FASN: variants seen among roughly 807,000 people sequenced by gnomAD.
The protein encoded by FASN is fatty acid synthase, also known as 3-hydroxyacyl-[acyl-carrier-protein] dehydratase.
In FASN, 50 loss-of-function variants were observed where a neutral mutation model predicts 250.0. The ratio of observed to expected loss-of-function variants is 0.20; its 90% confidence interval spans 0.16 to 0.25. The LOEUF (loss-of-function observed/expected upper bound fraction) is 0.25. Ranked by LOEUF, FASN falls within the 10% of genes least tolerant of loss-of-function variation. The pLI is 1.00. For synonymous variants in FASN, 1,909 were observed against 1,584.0 expected (o/e 1.21, Z -4.87); for missense variants, 3,031 against 3,498.5 (o/e 0.87, Z 3.37).
Position 82,092,576 on chromosome 17 carries a change from TG to T in FASN, c.907del (p.Gln303ArgfsTer3). On this transcript the variant is annotated frameshift_variant, in exon 8 of 43. Transcript: ENST00000306749. LOFTEE classifies it high-confidence loss of function. The part of the protein sequence containing the change: ...HGTGTKVGDP[Q>X]ELNGITRALC... ...GGCTCGGGTGATGCCATTCAGCTCC[TG>T]GGGGTCGCCCACCTGTGGGAAACAT... 1.3e-6 allele frequency: 2 copies of T among 1,596,974 alleles called. No homozygotes were observed.
chr17:82,080,442 C>A lies in FASN; in HGVS notation c.6975G>T (p.Gln2325His), dbSNP rs1418221687. 1 of 1,595,326 alleles carries A rather than the reference C, an allele frequency of 6.3e-7. No individual in the cohort carries two copies. The highest frequency in any genetic ancestry group is 1.7e-5 in the Admixed American group (1 of 57,184). ...GGCTGTTGTGGGTGGGGGCTGGGCT[C>A]TGCTGGGCCTGCAGCTGGGAGCACA... ...FEMCSQLQAQ[Q>H]SPAPTHNSLF... The change falls in exon 40 of 43, where the codon CAG becomes CAT. Residue 2325 changes from glutamine to histidine, a missense_variant. By Grantham distance (24) the Gln-to-His change is conservative (BLOSUM62 0). Coordinates refer to ENST00000306749, the MANE Select transcript of FASN (RefSeq NM_004104.5).
rs756962457 is a variant in FASN at position 82,081,592 on chromosome 17, A to G, written c.6406+9T>C. The G allele has an allele frequency of 6.2e-7, 1 of 1,612,052 alleles. No homozygotes were observed. ...AACACCTGGCGCGGCTCCTACTGGG[A>G]GTGCTCACCCAGGATGTGTGCCACG... On this transcript the variant is annotated intron_variant, in intron 37 of 42. Coordinates refer to ENST00000306749, the MANE Select transcript of FASN (RefSeq NM_004104.5).
At chr17:82,090,744 G>T in intron 10 of FASN, 138 bp downstream of exon 10, 1 of 1,134,828 alleles carries the variant, frequency 8.8e-7, no homozygotes, top group Non-Finnish European at 1.3e-6. Flanking sequence ...CTCCCCTCCC[G>T]TCCTGCCCCC....
chr17:82,079,712 T>G, intron 41 of FASN, 104 bp from the exon 42 acceptor site: 1 of 1,455,074 alleles, frequency 6.9e-7, no homozygotes, highest in East Asian at 2.5e-5. Context: ...AGTTTCATTT[T>G]TGTTACCCAG....
Position 82,080,550 on chromosome 17 carries a change from G to A in FASN, c.6867C>T (p.Tyr2289=), listed in dbSNP as rs750002316. 1 of 1,560,258 alleles carries A rather than the reference G, an allele frequency of 6.4e-7. No individual in the cohort carries two copies. The highest frequency in any genetic ancestry group is 1.2e-5 in the South Asian group (1 of 85,144). Residue 2289 remains tyrosine (Y), a synonymous_variant, in exon 40 of 43, where the codon TAC becomes TAT. Coordinates refer to ENST00000306749, the MANE Select transcript of FASN (RefSeq NM_004104.5). ...GCTGCACCTGCCTGATGCAGTCGAT[G>A]TAGTAGGCAGCCAGGCTGTGGATGC... ...LDSIHSLAAY[Y]IDCIRQVQPE... is the part of the protein sequence containing the mutation.
chr17:82,079,405 C>G lies in FASN; in HGVS notation c.7350G>C (p.Thr2450=). 6.2e-7 allele frequency: 1 copy of G among 1,613,048 alleles called. No individual in the cohort carries two copies. Among genetic ancestry groups the G allele is most frequent in the Non-Finnish European group, 8.5e-7 (1 of 1,180,004 alleles). ...CCAGGTCCTCGCCGTAGGCGCCACC[C>G]GTCTTGGCGCGCAGTAGCATCACGT... The part of the protein sequence containing the change: ...HGNVMLLRAK[T]GGAYGEDLGA... The change falls in exon 42 of 43, where the codon ACG becomes ACC. Residue 2450 remains threonine (T), a synonymous_variant. Transcript: ENST00000306749.
At chr17:82,079,684 C>CTTT in intron 41 of FASN, 76 bp from the exon 42 acceptor site, 1 of 1,230,692 alleles carries the variant, frequency 8.1e-7, no homozygotes, top group South Asian at 1.5e-5. Context: ...TGCGGGTGGG[C>CTTT]TTTTTTTTTT....
chr17:82,086,242 G>C lies in FASN; in HGVS notation c.3732+12C>G. ...TCCGGGGCAGAGGCCTGGCTGCCCA[G>C]GAGGCACCCACCTCCACCACCTTCA... On this transcript the variant is annotated intron_variant, in intron 22 of 42. Coordinates refer to ENST00000306749, the MANE Select transcript of FASN (RefSeq NM_004104.5). 4 of 1,551,474 alleles carry C rather than the reference G, an allele frequency of 2.6e-6. No homozygotes were observed. The highest frequency in any genetic ancestry group is 3.8e-5 in the Admixed American group (2 of 52,490).
rs1269778423 is a variant in FASN at position 82,083,659 on chromosome 17, A to C, written c.5219-20T>G. The C allele has an allele frequency of 6.2e-7, 1 of 1,604,420 alleles. No individual in the cohort carries two copies. Among genetic ancestry groups the C allele is most frequent in the African/African-American group, 1.3e-5 (1 of 74,882 alleles). ...CAACGCCTAGGGGGCCAGAGGGGCC[A>C]GACAATCACACCCACTGCAAGCCCA... On this transcript the variant is annotated intron_variant, in intron 30 of 42. Coordinates refer to ENST00000306749, the MANE Select transcript of FASN (RefSeq NM_004104.5).
chr17:82,090,688 G>C, intron 10 of FASN, 124 bp from the exon 11 acceptor site: 2 of 1,097,754 alleles, frequency 1.8e-6, no homozygotes, highest in Non-Finnish European at 1.4e-6. Context: ...TCTCCTGATA[G>C]GAAAGAAGCC....
intron 4 of FASN, 41 bp downstream of exon 4, chr17:82,093,557 T>C (rs776370782): frequency 3.7e-6 from 6 of 1,612,066 alleles, no homozygotes; most frequent in Non-Finnish European, 5.1e-6. Context: ...TGTGGGGACC[T>C]GAAGGCCACC....
chr17:82,097,269 A>C (rs1005335003), intron 1 of FASN: 9 of 152,558 alleles, frequency 5.9e-5, no homozygotes, highest in African/African-American at 2.2e-4. Flanking sequence ...CACACACCAC[A>C]GGAGGCCCTC....
intron 11 of FASN, among the ~76,000 whole-genome samples, chr17:82,090,073 C>T (rs1340000828): frequency 1.3e-5 from 2 of 152,228 alleles, no homozygotes; most frequent in African/African-American, 2.4e-5. Flanking sequence ...CCTGATGACC[C>T]GTGTGTTGGC....
rs549669954 is a variant in FASN, at chr17:82,093,733, C to A, written c.319G>T (p.Val107Phe). 1 of 1,612,752 alleles carries A rather than the reference C, an allele frequency of 6.2e-7. No individual in the cohort carries two copies. Among genetic ancestry groups the A allele is most frequent in the South Asian group, 1.1e-5 (1 of 91,072 alleles). The change falls in exon 4 of 43, where the codon GTC (valine) becomes TTC (phenylalanine). Residue 107 changes from valine to phenylalanine, a missense_variant. By Grantham distance (50) the Val-to-Phe change is conservative. Transcript: ENST00000306749. ...PDSLRGTHTG[V>F]WVGVSGSETS... is the part of the protein sequence containing the mutation. Reference sequence around the variant, plus strand: ...TCAGAGCCGCTCACGCCCACCCAGACGCCAGTGTGTGTTCCTCGGAGTGAA... The same window carrying A: ...TCAGAGCCGCTCACGCCCACCCAGAAGCCAGTGTGTGTTCCTCGGAGTGAA...
chr17:82,088,116 C>G lies in FASN; in HGVS notation c.2785G>C (p.Gly929Arg). ...GCCTTGGTCCTGGGGTACCCCTCAC[C>G]AGTCTTGGGCAGGATGGTGGCCTGG... ...LHQATILPKT[G>R]TVSLEVRLLE... is the part of the protein sequence containing the mutation. The change falls in exon 17 of 43, where the codon GGG (glycine) becomes CGG (arginine). Residue 929 changes from glycine to arginine, a missense_variant and splice_region_variant. By Grantham distance (125) the Gly-to-Arg change is moderately radical. Coordinates refer to ENST00000306749, the MANE Select transcript of FASN (RefSeq NM_004104.5). The G allele has an allele frequency of 1.2e-6, 2 of 1,612,794 alleles. No homozygotes were observed. Among genetic ancestry groups the G allele is most frequent in the Non-Finnish European group, 1.7e-6 (2 of 1,179,970 alleles).
chr17:82,085,698 A>C lies in FASN; in HGVS notation c.3906T>G (p.Pro1302=). Reference sequence around the variant, plus strand: ...CGGCGCTGCCCAGGGCGCTGGGGGCAGGGTCTGCGGGATCCCACTGGCCCT... The same window carrying C: ...CGGCGCTGCCCAGGGCGCTGGGGGCCGGGTCTGCGGGATCCCACTGGCCCT... ...VAQGQWDPAD[P]APSALGSADL... The change falls in exon 23 of 43, where the codon CCT becomes CCG. Residue 1302 remains proline (P), a synonymous_variant. Transcript: ENST00000306749. 1 of 1,568,808 alleles carries C rather than the reference A, an allele frequency of 6.4e-7. No individual in the cohort carries two copies. Among genetic ancestry groups the C allele is most frequent in the Admixed American group, 1.9e-5 (1 of 53,462 alleles).
Position 82,091,290 on chromosome 17 carries a change from C to A in FASN, c.1424G>T (p.Gly475Val), listed in dbSNP as rs1413765680. 6.2e-7 allele frequency: 1 copy of A among 1,608,942 alleles called. No individual in the cohort carries two copies. The highest frequency in any genetic ancestry group is 1.1e-5 in the South Asian group (1 of 90,706). ...MPFRGYAVLG[G>V]ERGGPEVQQV... ...CTGCACCTCTGGGCCACCGCGCTCA[C>A]CACCCAGCACAGCGTAGCCACGGAA... The change falls in exon 9 of 43, where the codon GGT becomes GTT. Residue 475 changes from glycine (G) to valine (V), a missense_variant. Transcript: ENST00000306749.
chr17:82,088,483 T>C lies in FASN; in HGVS notation c.2500A>G (p.Ile834Val), dbSNP rs1474677084. 2 of 1,610,276 alleles carry C rather than the reference T, an allele frequency of 1.2e-6. No individual in the cohort carries two copies. The highest frequency in any genetic ancestry group is 1.7e-6 in the Non-Finnish European group (2 of 1,178,202). Residue 834 changes from isoleucine (I) to valine (V), a missense_variant, in exon 16 of 43, where the codon ATC (isoleucine) becomes GTC (valine). Physicochemically the swap from Ile to Val is conservative, Grantham distance 29. Coordinates refer to ENST00000306749, the MANE Select transcript of FASN (RefSeq NM_004104.5). ...PRGTPLISPL[I>V]KWDHSLAWDV... ...CAGGCCAGGCTGTGGTCCCACTTGATGAGTGGGGAGATGAGGGGAGTTCCT... is the reference window on the plus strand; with the variant it reads ...CAGGCCAGGCTGTGGTCCCACTTGACGAGTGGGGAGATGAGGGGAGTTCCT...
At position 82,085,025 on chromosome 17, in the gene FASN, G is replaced by T. The variant is rs771724960; in HGVS notation, c.4409+10C>A. ...GGGGAAGGGGAAGTGGTGAGGGGCC[G>T]TGCTCCTACCGGAGGCGGTTCCCGC... On this transcript the variant is annotated intron_variant, in intron 25 of 42. Coordinates refer to ENST00000306749, the MANE Select transcript of FASN (RefSeq NM_004104.5). 6.2e-7 allele frequency: 1 copy of T among 1,605,204 alleles called. No individual in the cohort carries two copies. The highest frequency in any genetic ancestry group is 8.5e-7 in the Non-Finnish European group (1 of 1,176,256).
Sources: gnomAD v4.1 joint callset for allele counts (sites outside exome capture counted in the v4.1 genomes callset) on GRCh38, gnomAD v4.1.1 for gene constraint, MANE v1.5 for transcripts, NCBI Gene and HGNC (gene_info 2026-07-23, HGNC 2026-07-21) for gene names.